ZNF398: variants seen among roughly 807,000 people sequenced by gnomAD.
ZNF398 encodes the protein zinc finger protein 398.
ZNF398 carries 18 observed loss-of-function variants against 41.9 expected under a neutral mutation model. The ratio of observed to expected loss-of-function variants is 0.43; its 90% CI spans 0.30 to 0.64. The LOEUF is 0.64. ZNF398 is among the 30% of genes least tolerant of loss of function. The pLI, the probability that ZNF398 is intolerant of heterozygous loss-of-function variation, is 0.14. For synonymous variants in ZNF398, 260 were observed against 308.8 expected (o/e 0.84, Z 1.66); for missense variants, 669 against 822.8 (o/e 0.81, Z 2.29).
At position 149,179,771 on chromosome 7, in the gene ZNF398, T is replaced by C; in HGVS notation, c.1899T>C (p.Tyr633=). 6.3e-7 allele frequency: 1 copy of C among 1,597,482 alleles called. No individual in the cohort carries two copies. Among genetic ancestry groups the C allele is most frequent in the Non-Finnish European group, 8.6e-7 (1 of 1,169,182 alleles). ...NTEGLETNQW[Y]GEGSGGGVL ...AAGGTCTAGAGACCAACCAGTGGTA[T>C]GGGGAAGGGAGTGGAGGGGGAGTTT... Residue 633 remains tyrosine, a synonymous_variant, in exon 6 of 6, where the codon TAT becomes TAC. Coordinates refer to ENST00000475153, the MANE Select transcript of ZNF398 (RefSeq NM_170686.3). This position sits in a 1 kb window ranked among gnomAD's most constrained non-coding sequence, Gnocchi z 6.1.
chr7:149,132,476 T>G (rs187254463), intron 2 of ZNF398, among the ~76,000 whole-genome samples: 115 of 152,090 alleles, frequency 7.6e-4, no homozygotes, highest in African/African-American at 2.5e-3. Flanking sequence ...ATACAGGCAT[T>G]AGCCACCCCG....
rs774275974 is a variant in ZNF398, at chr7:149,154,049, G to A, written c.129G>A (p.Leu43=). The change falls in exon 2 of 6, where the codon CTG becomes CTA. Residue 43 remains leucine (L), a synonymous_variant. Coordinates refer to ENST00000475153, the MANE Select transcript of ZNF398 (RefSeq NM_170686.3). Reference sequence around the variant, plus strand: ...ACCTGCAGACAGCAGCTATCTCTCTGTGGACAGTGGTGGCCGCCGTGCAGG... The same window carrying A: ...ACCTGCAGACAGCAGCTATCTCTCTATGGACAGTGGTGGCCGCCGTGCAGG... ...EAHLQTAAIS[L]WTVVAAVQAI... is the part of the protein sequence containing the mutation. 1.9e-6 allele frequency: 3 copies of A among 1,614,198 alleles called. No homozygotes were observed. In the South Asian group the frequency reaches 3.3e-5, roughly 18 times the overall value.
At chr7:149,157,072 G>A (rs1238611184) in intron 2 of ZNF398, among the ~76,000 whole-genome samples, 1 of 152,100 alleles carries the variant, frequency 6.6e-6, no homozygotes, top group Non-Finnish European at 1.5e-5. Flanking sequence ...TACTGTCTCA[G>A]GCTTTCGGCT....
At chr7:149,146,472 C>G (rs1339778831), upstream of ZNF398, among the ~76,000 whole-genome samples, 1 of 152,122 alleles carries the variant, frequency 6.6e-6, no homozygotes, top group Non-Finnish European at 1.5e-5. Flanking sequence ...TCGTTTGAGC[C>G]CAGCAGTTTA....
At chr7:149,138,846 T>C (rs1704823848) in intron 2 of ZNF398, among the ~76,000 whole-genome samples, 1 of 151,804 alleles carries the variant, frequency 6.6e-6, no homozygotes. Flanking sequence ...ACCTCTGGGG[T>C]TCAATTGATC....
chr7:149,157,688 A>G (rs1343762384), intron 2 of ZNF398, among the ~76,000 whole-genome samples: 3 of 151,382 alleles, frequency 2.0e-5, no homozygotes, highest in Non-Finnish European at 4.4e-5. Context: ...AAGTACAAAA[A>G]TTAGCTGGGC....
intron 2 of ZNF398, among the ~76,000 whole-genome samples, chr7:149,140,487 C>A (rs544551787): frequency 1.3e-5 from 2 of 152,026 alleles, no homozygotes; most frequent in Non-Finnish European, 2.9e-5. Flanking sequence ...CAGGTTCAAG[C>A]GATCCTCCTG....
At chr7:149,140,519 G>A (rs1826798890) in intron 2 of ZNF398, among the ~76,000 whole-genome samples, 1 of 152,074 alleles carries the variant, frequency 6.6e-6, no homozygotes, top group Non-Finnish European at 1.5e-5. Context: ...TAGTAGCTGG[G>A]ATTACAGGCA....
intron 2 of ZNF398, among the ~76,000 whole-genome samples, chr7:149,155,748 A>G (rs1490849392): frequency 3.0e-5 from 2 of 66,508 alleles, no homozygotes; most frequent in Non-Finnish European, 6.1e-5. Context: ...TTTTTTTGAG[A>G]TGGAGTCTCA....
chr7:149,164,729 A>G (rs1795191014), intron 2 of ZNF398, among the ~76,000 whole-genome samples: 1 of 152,238 alleles, frequency 6.6e-6, no homozygotes, highest in Admixed American at 6.5e-5. Flanking sequence ...AGAATTTGAA[A>G]ACAAGTTAGC....
At chr7:149,178,548 A>G in intron 5 of ZNF398, 100 bp from the exon 6 acceptor site, 2 of 996,700 alleles carry the variant, frequency 2.0e-6, no homozygotes, top group South Asian at 1.6e-5. Context: ...TGTATTTCTG[A>G]TCTGAGCTTC....
intron 2 of ZNF398, among the ~76,000 whole-genome samples, chr7:149,156,787 G>C (rs1181409436): frequency 6.6e-6 from 1 of 150,478 alleles, no homozygotes; most frequent in African/African-American, 2.4e-5. Flanking sequence ...CTTGAACCCA[G>C]AAGGCGGAGA....
At chr7:149,145,942 C>CTTT (rs34950278), upstream of ZNF398, among the ~76,000 whole-genome samples, 190 of 103,092 alleles carry the variant, frequency 1.8e-3, 23 homozygotes, top group Middle Eastern at 7.5e-3. Context: ...CTCGCAGGTC[C>CTTT]TTTTTTTTTT....
chr7:149,167,172 A>G (rs995047765), intron 4 of ZNF398, among the ~76,000 whole-genome samples: 2 of 152,230 alleles, frequency 1.3e-5, no homozygotes, highest in African/African-American at 4.8e-5. Context: ...AAGTACTGAC[A>G]CCTAGCTGTT....
At chr7:149,178,357 G>A (rs1322355629) in intron 5 of ZNF398, among the ~76,000 whole-genome samples, 2 of 152,252 alleles carry the variant, frequency 1.3e-5, no homozygotes, top group Non-Finnish European at 2.9e-5. Flanking sequence ...GGAGGCTAAG[G>A]CAGGAGAATC....
Position 149,181,137 on chromosome 7 carries a change from A to G in ZNF398, c.*1336A>G, listed in dbSNP as rs1393474968. 6.6e-6 allele frequency: 1 copy of G among 152,648 alleles called. No homozygotes were observed. Among genetic ancestry groups the G allele is most frequent in the Non-Finnish European group, 1.5e-5 (1 of 68,038 alleles). 9.5% of individuals were successfully genotyped at this position (152,648 alleles called of 1,614,324 possible). On this transcript the variant is annotated 3_prime_UTR_variant, in exon 6 of 6. Coordinates refer to ENST00000475153, the MANE Select transcript of ZNF398 (RefSeq NM_170686.3). Reference sequence around the variant, plus strand: ...ATGGATCTCAAATTTTCATCTGCACAATGAGGCTGTTGAAAGGAAAAAAAG... The same window carrying G: ...ATGGATCTCAAATTTTCATCTGCACGATGAGGCTGTTGAAAGGAAAAAAAG...
chr7:149,134,201 A>AT (rs1203783309), intron 2 of ZNF398, among the ~76,000 whole-genome samples: 1 of 150,398 alleles, frequency 6.6e-6, no homozygotes, highest in Non-Finnish European at 1.5e-5. Context: ...AGTAGCTGGG[A>AT]TTACAGGCAC....
chr7:149,146,549 AAATAAATCAAT>A (rs1284834142), upstream of ZNF398, among the ~76,000 whole-genome samples: 1 of 151,272 alleles, frequency 6.6e-6, no homozygotes. Context: ...GACTGTCTCT[AAATAAATCAAT>A]AAATAAGGCC....
chr7:149,141,115 T>C (rs1224086713), intron 2 of ZNF398, among the ~76,000 whole-genome samples: 1 of 151,898 alleles, frequency 6.6e-6, no homozygotes, highest in African/African-American at 2.4e-5. Context: ...AGTGTCAACT[T>C]GGTCACCTCA....
Sources: gnomAD v4.1 joint callset for allele counts (sites outside exome capture counted in the v4.1 genomes callset) on GRCh38, gnomAD v4.1.1 for gene constraint, Gnocchi (gnomAD v3.1) non-coding constraint, MANE v1.5 for transcripts, NCBI Gene and HGNC (gene_info 2026-07-23, HGNC 2026-07-21) for gene names.